PRAG1: variants seen among roughly 807,000 people sequenced by gnomAD.
PRAG1 encodes inactive tyrosine-protein kinase PRAG1.
Under a neutral mutation model 95.6 loss-of-function variants are expected in PRAG1, and 110 were observed. The ratio of observed to expected loss-of-function variants is 1.15; its 90% CI spans 0.99 to 1.35. The LOEUF (loss-of-function observed/expected upper bound fraction) is 1.35. PRAG1 is among the 40% of genes most tolerant of loss of function. The pLI is 0.00. For missense variants in PRAG1, 2,554 were observed against 1,864.7 expected (o/e 1.37, Z -6.81); for synonymous variants, 1,052 against 819.4 (o/e 1.28, Z -4.85).
intron 3 of PRAG1, among the ~76,000 whole-genome samples, chr8:8,371,125 C>T (rs1800183081): frequency 8.5e-6 from 1 of 117,474 alleles, no homozygotes. Flanking sequence ...GACAGAGATT[C>T]TGTCTCAAAA....
chr8:8,376,953 G>C lies in PRAG1; in HGVS notation c.1456C>G (p.Arg486Gly), dbSNP rs145308965. Residue 486 changes from arginine to glycine, a missense_variant, in exon 3 of 6, where the codon CGG becomes GGG. Physicochemically the swap from Arg to Gly is moderately radical, Grantham distance 125. Transcript: ENST00000615670. ...TCAGGGCTGCTCAGGTAGATCGTCCGATGGTCCTCTTCCGGGTGGGCCGCC... is the reference window on the plus strand; with the variant it reads ...TCAGGGCTGCTCAGGTAGATCGTCCCATGGTCCTCTTCCGGGTGGGCCGCC... ...VMAAHPEEDH[R>G]TIYLSSPDSA... The C allele has an allele frequency of 6.2e-6, 10 of 1,613,386 alleles. No homozygotes were observed. In the Admixed American group the frequency reaches 1.5e-4, roughly 24 times the overall value.
At chr8:8,319,697 A>G (rs1402010099) in intron 5 of PRAG1, among the ~76,000 whole-genome samples, 1 of 152,236 alleles carries the variant, frequency 6.6e-6, no homozygotes, top group Non-Finnish European at 1.5e-5. Flanking sequence ...TTTACAACTC[A>G]GTAAGACAAA....
chr8:8,381,557 G>T lies in PRAG1; in HGVS notation c.191C>A (p.Pro64His), dbSNP rs751967836. Reference protein sequence around the residue: ...LPPPPRLPPRPENCRLEDEGV... With the variant: ...LPPPPRLPPRHENCRLEDEGV... ...TTCATCTTCCAGGCGGCAGTTCTCA[G>T]GCCTGGGAGGCAGGCGCGGTGGAGG... The change falls in exon 2 of 6, where the codon CCT becomes CAT. Residue 64 changes from proline to histidine, a missense_variant. Transcript: ENST00000615670. 3 of 1,614,226 alleles carry T rather than the reference G, an allele frequency of 1.9e-6. No individual in the cohort carries two copies. The South Asian group carries it at 3.3e-5, about 18-fold the overall frequency.
At position 8,377,435 on chromosome 8, in the gene PRAG1, G is replaced by A. The variant is rs770135113; in HGVS notation, c.974C>T (p.Pro325Leu). The A allele has an allele frequency of 2.6e-6, 4 of 1,557,706 alleles. No individual in the cohort carries two copies. Among genetic ancestry groups the A allele is most frequent in the Non-Finnish European group, 2.6e-6 (3 of 1,152,836 alleles). Residue 325 changes from proline (P) to leucine (L), a missense_variant, in exon 3 of 6, where the codon CCC becomes CTC. By Grantham distance (98) the Pro-to-Leu change is moderately conservative. Transcript: ENST00000615670. ...GPTAHPSCLG[P>L]KKLSLTSEAA... is the part of the protein sequence containing the mutation. ...CTCCGAGGTGAGGGACAGTTTCTTG[G>A]GGCCCAGGCAGGATGGGTGGGCAGT...
rs1262186729 is a variant in PRAG1, at chr8:8,318,687, G to A, written c.3688C>T (p.Leu1230=). ...CGGGCCTGGCTCTTCTTCTGCTGCA[G>A]GTTTGGGGTGCCGCCCGGCTTCTGC... The part of the protein sequence containing the change: ...AKQKPGGTPN[L]QQKKSQARLA... The change falls in exon 6 of 6, where the codon CTG becomes TTG. Residue 1230 remains leucine (L), a synonymous_variant. Coordinates refer to ENST00000615670, the MANE Select transcript of PRAG1 (RefSeq NM_001080826.3). The surrounding 1 kb of genome is among the most constrained non-coding windows in gnomAD (Gnocchi z 4.2). 1 of 1,611,162 alleles carries A rather than the reference G, an allele frequency of 6.2e-7. No homozygotes were observed. The highest frequency in any genetic ancestry group is 8.5e-7 in the Non-Finnish European group (1 of 1,179,668).
At chr8:8,379,105 T>C (rs541012752) in intron 2 of PRAG1, among the ~76,000 whole-genome samples, 4 of 149,840 alleles carry the variant, frequency 2.7e-5, no homozygotes, top group Non-Finnish European at 5.9e-5. Flanking sequence ...GCTTCTGAAC[T>C]GGATCAGAGT....
rs1798331994 is a variant in PRAG1 at position 8,318,059 on chromosome 8, T to C, written c.*95A>G. On this transcript the variant is annotated 3_prime_UTR_variant, in exon 6 of 6. Transcript: ENST00000615670. The surrounding 1 kb of genome is among the most constrained non-coding windows in gnomAD (Gnocchi z 4.2). ...TTTACATCCAGGTATCCCAGTCATC[T>C]GTACCATTTCCCAGGGAGACATGGG... 2.3e-5 allele frequency: 28 copies of C among 1,201,216 alleles called. No homozygotes were observed. Among genetic ancestry groups the C allele is most frequent in the South Asian group, 7.8e-5 (5 of 64,326 alleles). 74.4% of individuals were successfully genotyped at this position (1,201,216 alleles called of 1,614,324 possible).
At chr8:8,366,875 G>A (rs907216363) in intron 3 of PRAG1, among the ~76,000 whole-genome samples, 1 of 150,226 alleles carries the variant, frequency 6.7e-6, no homozygotes, top group Non-Finnish European at 1.5e-5. Context: ...GTAGTGTCTC[G>A]CTATGTTGCC....
chr8:8,362,630 C>T (rs1342738082), intron 3 of PRAG1, among the ~76,000 whole-genome samples: 2 of 152,212 alleles, frequency 1.3e-5, no homozygotes, highest in East Asian at 1.9e-4. Context: ...GAAATAAATG[C>T]TTATTCCTCG....
chr8:8,332,178 TTTG>T (rs112425931), intron 4 of PRAG1, among the ~76,000 whole-genome samples: 1,810 of 142,678 alleles, frequency 0.013, 23 homozygotes, highest in African/African-American at 0.038. Flanking sequence ...TTTTTTTTTT[TTTG>T]ATGAAGTTTT....
chr8:8,325,167 A>G (rs1798594379), intron 5 of PRAG1, among the ~76,000 whole-genome samples: 1 of 152,156 alleles, frequency 6.6e-6, no homozygotes, highest in Non-Finnish European at 1.5e-5. Context: ...TTTCGTCTAG[A>G]CTGGAGAGCT....
At chr8:8,330,394 G>A (rs554100721) in intron 4 of PRAG1, among the ~76,000 whole-genome samples, 20 of 152,162 alleles carry the variant, frequency 1.3e-4, no homozygotes, top group African/African-American at 3.6e-4. Context: ...AGGGAGCACC[G>A]TGTTTCTTAA....
At chr8:8,331,566 T>C (rs1400269653) in intron 4 of PRAG1, among the ~76,000 whole-genome samples, 1 of 152,238 alleles carries the variant, frequency 6.6e-6, no homozygotes. Context: ...CTCGGTTCAA[T>C]TGTTCTTCCT....
chr8:8,343,593 A>G (rs1799240673), intron 3 of PRAG1, among the ~76,000 whole-genome samples: 1 of 152,186 alleles, frequency 6.6e-6, no homozygotes, highest in Non-Finnish European at 1.5e-5. Context: ...AATGTTTCTT[A>G]TTGTGGGTCA....
At chr8:8,321,089 C>A (rs564305382) in intron 5 of PRAG1, among the ~76,000 whole-genome samples, 1 of 152,324 alleles carries the variant, frequency 6.6e-6, no homozygotes, top group East Asian at 1.9e-4. Flanking sequence ...TTCCGGACTA[C>A]CCAACTCTAC....
chr8:8,326,778 C>T (rs1422736615), intron 5 of PRAG1, among the ~76,000 whole-genome samples: 1 of 152,250 alleles, frequency 6.6e-6, no homozygotes, highest in South Asian at 2.1e-4. Flanking sequence ...CACAGAAGAG[C>T]TCAAATCCAT....
rs2921018 is a variant in PRAG1, at chr8:8,352,279, C to A, written c.2163-12644G>T. Among the ~76,000 whole-genome samples, 6 of 152,324 alleles carry A rather than the reference C, an allele frequency of 3.9e-5. No homozygotes were observed. In the South Asian group the frequency reaches 1.2e-3, roughly 32 times the overall value. On this transcript the variant is annotated intron_variant, in intron 3 of 5. Coordinates refer to ENST00000615670, the MANE Select transcript of PRAG1 (RefSeq NM_001080826.3). ...CACTCCCTGATCAATTCTTCACTCT[C>A]TTATCTGCATCTCAACAGGTCCAGC... is the stretch of plus-strand genomic sequence containing the variant.
In PRAG1 at chr8:8,319,015, C is replaced by T; in HGVS notation, c.3360G>A (p.Arg1120=). 1.2e-6 allele frequency: 2 copies of T among 1,613,430 alleles called. No homozygotes were observed. Among genetic ancestry groups the T allele is most frequent in the Admixed American group, 1.7e-5 (1 of 60,014 alleles). ...SHQAEPEAYE[R]RVCFLLLQLC... is the part of the protein sequence containing the mutation. ...GTTGCAGAAGCAGGAAGCACACGCG[C>T]CGCTCGTACGCCTCGGGCTCCGCCT... The change falls in exon 6 of 6, where the codon CGG becomes CGA. Residue 1120 remains arginine, a synonymous_variant. Coordinates refer to ENST00000615670, the MANE Select transcript of PRAG1 (RefSeq NM_001080826.3).
chr8:8,364,629 A>G (rs375522508), intron 3 of PRAG1, among the ~76,000 whole-genome samples: 3 of 149,618 alleles, frequency 2.0e-5, no homozygotes, highest in East Asian at 1.9e-4. Context: ...CCACTTTTAC[A>G]TACACTATAT....
Sources: allele counts gnomAD v4.1 joint callset (sites outside exome capture counted in the v4.1 genomes callset), GRCh38; gene constraint gnomAD v4.1.1; non-coding constraint Gnocchi (gnomAD v3.1); transcripts MANE v1.5; gene names NCBI Gene and HGNC (gene_info 2026-07-23, HGNC 2026-07-21).